CSMD1: variants seen among roughly 807,000 people sequenced by gnomAD.
CSMD1 encodes CUB and sushi domain-containing protein 1.
Under a neutral mutation model 417.5 loss-of-function variants are expected in CSMD1, and 213 were observed. That is an observed-to-expected ratio of 0.51 (90% CI 0.46 to 0.57). The LOEUF (loss-of-function observed/expected upper bound fraction) is 0.57, where lower values mean the gene tolerates loss of function less well. Ranked by LOEUF, CSMD1 falls within the 20% of genes least tolerant of loss-of-function variation. The pLI, the probability that CSMD1 is intolerant of heterozygous loss-of-function variation, is 0.00. For synonymous variants in CSMD1, 2,862 were observed against 1,736.8 expected (o/e 1.65, Z -16.11); for missense variants, 6,923 against 4,529.7 (o/e 1.53, Z -15.17).
intron 5 of CSMD1, among the ~76,000 whole-genome samples, chr8:3,806,365 C>T (rs137956313): frequency 6.6e-6 from 1 of 152,166 alleles, no homozygotes; most frequent in Non-Finnish European, 1.5e-5. Context: ...AAATAATAAC[C>T]AATATGCCCC....
intron 5 of CSMD1, among the ~76,000 whole-genome samples, chr8:3,962,527 C>G (rs557575354): frequency 1.3e-5 from 2 of 152,218 alleles, no homozygotes; most frequent in South Asian, 4.2e-4. Context: ...ACGTAATAGG[C>G]TAATCGCAGG....
intron 38 of CSMD1, among the ~76,000 whole-genome samples, chr8:3,160,983 C>T (rs190081936): frequency 6.6e-6 from 1 of 152,304 alleles, no homozygotes; most frequent in Admixed American, 6.5e-5. Context: ...TGTTGCAACT[C>T]TGCATATAAG....
intron 1 of CSMD1, among the ~76,000 whole-genome samples, chr8:4,898,791 G>A (rs1256514848): frequency 1.3e-5 from 2 of 152,080 alleles, no homozygotes; most frequent in Non-Finnish European, 2.9e-5. Context: ...AATGAAAACT[G>A]CATAATAAAT....
At chr8:3,467,627 T>G (rs1816856962) in intron 12 of CSMD1, among the ~76,000 whole-genome samples, 1 of 152,240 alleles carries the variant, frequency 6.6e-6, no homozygotes, top group South Asian at 2.1e-4. Context: ...ATTTTATGCT[T>G]TGTAGATGAG....
intron 2 of CSMD1, among the ~76,000 whole-genome samples, chr8:4,527,971 C>T (rs914895380): frequency 1.3e-5 from 2 of 152,114 alleles, no homozygotes; most frequent in Non-Finnish European, 2.9e-5. Flanking sequence ...TGTATTCAGT[C>T]TCTATAGAAT....
chr8:3,409,449 C>T lies in CSMD1; in HGVS notation c.1718G>A (p.Trp573Ter), dbSNP rs1812543197. ...TACACAGCTGGGCTTGTTGCCAGAC[C>T]ACTGATTGTTCTGCTGACAGGTGAT... Reference protein sequence around the residue: ...RVITCQQNNQWSGNKPSCVFS... With the variant: ...RVITCQQNNQ Residue 573 changes from tryptophan to a stop codon, truncating the protein, a stop_gained, in exon 13 of 70, where the codon TGG (tryptophan) becomes TAG (stop). Coordinates refer to ENST00000635120, the MANE Select transcript of CSMD1 (RefSeq NM_033225.6). LOFTEE classifies it high-confidence loss of function. The T allele has an allele frequency of 6.2e-7, 1 of 1,611,130 alleles. No homozygotes were observed. The highest frequency in any genetic ancestry group is 8.5e-7 in the Non-Finnish European group (1 of 1,178,770).
Position 3,752,676 on chromosome 8 carries a change from CAAAAAAAAAA to C in CSMD1, c.931+1244_931+1253del, listed in dbSNP as rs200769696. Reference sequence around the variant, plus strand: ...CCACTGCCACCCACTCCCCGCCTGGCAAAAAAAAAAAAAAAAAAAAAAAAAAAACATATTT... The same window carrying C: ...CCACTGCCACCCACTCCCCGCCTGGCAAAAAAAAAAAAAAAAAACATATTT... On this transcript the variant is annotated intron_variant, in intron 6 of 69. Coordinates refer to ENST00000635120, the MANE Select transcript of CSMD1 (RefSeq NM_033225.6). Among the ~76,000 whole-genome samples the C allele has an allele frequency of 1.0e-4, 10 of 96,986 alleles. No individual in the cohort carries two copies. The East Asian group carries it at 1.5e-3, about 14-fold the overall frequency. The allele number at this position is 96,986 out of a possible 152,430, so 63.6% of individuals were successfully genotyped here.
intron 4 of CSMD1, among the ~76,000 whole-genome samples, 195 bp from the exon 5 acceptor site, chr8:3,998,305 T>C (rs147121997): frequency 6.6e-6 from 1 of 152,320 alleles, no homozygotes; most frequent in East Asian, 1.9e-4. Context: ...ACATTTAAAT[T>C]ATCTTATTAA....
chr8:3,415,390 C>A (rs973793357), intron 12 of CSMD1, among the ~76,000 whole-genome samples: 5 of 152,238 alleles, frequency 3.3e-5, no homozygotes, highest in Non-Finnish European at 7.3e-5. Context: ...TGGAGCCTCG[C>A]TCTGTCACCC....
intron 3 of CSMD1, among the ~76,000 whole-genome samples, chr8:4,131,729 C>G (rs867486901): frequency 3.6e-5 from 5 of 138,718 alleles, no homozygotes; most frequent in Admixed American, 1.5e-4. Flanking sequence ...CAGTTGTTAT[C>G]AAGATTAAAT....
chr8:4,017,336 G>T (rs561763583), intron 4 of CSMD1, among the ~76,000 whole-genome samples: 11 of 152,014 alleles, frequency 7.2e-5, no homozygotes, highest in Admixed American at 6.6e-4. Context: ...ACAAAGTTTC[G>T]CTCTTGTTGC....
At chr8:4,962,656 T>C (rs1403222170) in intron 1 of CSMD1, among the ~76,000 whole-genome samples, 1 of 152,146 alleles carries the variant, frequency 6.6e-6, no homozygotes, top group Non-Finnish European at 1.5e-5. Flanking sequence ...ATTTATTCAG[T>C]GAAGAATACT....
intron 43 of CSMD1, among the ~76,000 whole-genome samples, chr8:3,108,969 C>T (rs1816329189): frequency 6.6e-6 from 1 of 152,204 alleles, no homozygotes; most frequent in South Asian, 2.1e-4. Context: ...CGGCACTTGT[C>T]AAATGTCAAC....
rs762306371 is a variant in CSMD1, at chr8:2,974,572, C to T, written c.8619G>A (p.Glu2873=). ...GVPANAVLTG[E]LFTYGAVVHY... is the part of the protein sequence containing the mutation. ...GCACGACGGCGCCATAGGTAAACAG[C>T]TCTCCAGTGAGGACGGCGTTGGCAG... Residue 2873 remains glutamate (E), a synonymous_variant, in exon 56 of 70, where the codon GAG becomes GAA. Transcript: ENST00000635120. 1 of 1,612,786 alleles carries T rather than the reference C, an allele frequency of 6.2e-7. No individual in the cohort carries two copies.
intron 46 of CSMD1, 27 bp downstream of exon 46, chr8:3,106,501 G>A (rs778114878): frequency 3.7e-5 from 51 of 1,371,520 alleles, no homozygotes; most frequent in Non-Finnish European, 5.1e-5. Flanking sequence ...ATAAGTTTAT[G>A]TAGTTTTAGT....
At chr8:4,517,513 G>A (rs2130376549) in intron 2 of CSMD1, among the ~76,000 whole-genome samples, 1 of 152,272 alleles carries the variant, frequency 6.6e-6, no homozygotes, top group Admixed American at 6.5e-5. Flanking sequence ...CATACTAAAT[G>A]CTTAATAACT....
At chr8:4,480,377 G>T (rs11998229) in intron 2 of CSMD1, among the ~76,000 whole-genome samples, 6 of 152,128 alleles carry the variant, frequency 3.9e-5, no homozygotes, top group Non-Finnish European at 7.3e-5. Context: ...TTTCTCACTA[G>T]AATATTTGAG....
At chr8:4,401,131 T>A (rs990787148) in intron 3 of CSMD1, among the ~76,000 whole-genome samples, 2 of 152,172 alleles carry the variant, frequency 1.3e-5, no homozygotes, top group African/African-American at 4.8e-5. Context: ...ATAAAGCTTC[T>A]GTTTGAAGCT....
At chr8:3,051,600 G>T (rs570059469) in intron 50 of CSMD1, among the ~76,000 whole-genome samples, 2 of 151,436 alleles carry the variant, frequency 1.3e-5, no homozygotes, top group Non-Finnish European at 2.9e-5. Flanking sequence ...CTAAAATAAA[G>T]TTTTTTTTTA....
Sources: gnomAD v4.1 joint callset for allele counts (sites outside exome capture counted in the v4.1 genomes callset) on GRCh38, gnomAD v4.1.1 for gene constraint, MANE v1.5 for transcripts, NCBI Gene and HGNC (gene_info 2026-07-23, HGNC 2026-07-21) for gene names.